CLIC5: variants seen among roughly 807,000 people sequenced by gnomAD.
The protein encoded by CLIC5 is chloride intracellular channel protein 5.
A neutral mutation model predicts 24.7 loss-of-function variants in CLIC5; 20 were observed. That is an observed-to-expected ratio of 0.81 (90% CI 0.57 to 1.18). CLIC5 has a LOEUF of 1.18. Among genes scored for constraint, CLIC5 ranks in the 50% most tolerant of loss-of-function variants. The pLI is 0.00. For synonymous variants in CLIC5, 159 were observed against 135.6 expected, an observed-to-expected ratio of 1.17 and a Z score of -1.20; for missense variants, 341 against 326.1, an observed-to-expected ratio of 1.05 and a Z score of -0.35.
At chr6:45,958,449 T>TACACACACACACACACACACACACAC (rs1561964569) in intron 1 of CLIC5, among the ~76,000 whole-genome samples, 5 of 24,252 alleles carry the variant, frequency 2.1e-4, no homozygotes, top group South Asian at 1.3e-3. Context: ...TATATATATA[T>TACACACACACACACACACACACACAC]ATATATATAT....
chr6:45,904,065 G>A (rs966038934), intron 5 of CLIC5, among the ~76,000 whole-genome samples: 15 of 152,176 alleles, frequency 9.9e-5, no homozygotes, highest in African/African-American at 3.6e-4. Context: ...AGAGAAACAA[G>A]AGCAAAGTGA....
intron 2 of CLIC5, 57 bp from the exon 3 acceptor site, chr6:45,949,438 GA>G: frequency 6.4e-7 from 1 of 1,572,556 alleles, no homozygotes; most frequent in South Asian, 1.2e-5. Flanking sequence ...CCTGTTCTGG[GA>G]AACCTAAGAT....
the CLIC5 span, among the ~76,000 whole-genome samples, chr6:46,127,205 G>A: frequency 2.0e-5 from 3 of 152,004 alleles, no homozygotes; most frequent in East Asian, 1.9e-4. Context: ...CCATTACCTC[G>A]AGTATTTATC....
the CLIC5 span, among the ~76,000 whole-genome samples, chr6:46,116,170 G>A: frequency 6.6e-6 from 1 of 152,012 alleles, no homozygotes; most frequent in Non-Finnish European, 1.5e-5. Flanking sequence ...AGAATTTGAC[G>A]CCTTTAGGGT....
At chr6:46,015,932 C>G, upstream of CLIC5, 2 of 996,166 alleles carry the variant, frequency 2.0e-6, no homozygotes, top group Non-Finnish European at 1.2e-6. Flanking sequence ...GGGGACGCGG[C>G]GGGGACACCC....
rs73456737 is a variant in CLIC5, at chr6:45,884,453, G to C, written c.624-3265C>G. Among the ~76,000 whole-genome samples the C allele has an allele frequency of 4.9e-3, 753 of 152,254 alleles. 6 individuals are homozygous for C. The highest frequency in any genetic ancestry group is 0.016 in the African/African-American group (676 of 41,548). On this transcript the variant is annotated intron_variant, in intron 6 of 6. Transcript: ENST00000644324. Reference sequence around the variant, plus strand: ...CATCCCTAGCAGGACTTGGAAGAAGGGGGCAGCGGAATATGTACTTTCCGC... The same window carrying C: ...CATCCCTAGCAGGACTTGGAAGAAGCGGGCAGCGGAATATGTACTTTCCGC...
At chr6:45,962,654 A>G (rs114837866) in intron 1 of CLIC5, among the ~76,000 whole-genome samples, 2,025 of 152,280 alleles carry the variant, frequency 0.013, 33 homozygotes, top group African/African-American at 0.045. Flanking sequence ...TGTCATCTGC[A>G]CCTTAGCTCA....
At chr6:45,928,062 A>G (rs939024694) in intron 4 of CLIC5, among the ~76,000 whole-genome samples, 1 of 152,114 alleles carries the variant, frequency 6.6e-6, no homozygotes, top group Non-Finnish European at 1.5e-5. Context: ...GCCTGGAAAC[A>G]AGCTTGAGAT....
At chr6:46,050,015 A>G (rs1470777259) in intron 1 of CLIC5, among the ~76,000 whole-genome samples, 1 of 152,090 alleles carries the variant, frequency 6.6e-6, no homozygotes, top group African/African-American at 2.4e-5. Context: ...GCTCTGTGGG[A>G]TATATGTTCA....
At chr6:45,909,572 T>G (rs1333835999) in intron 5 of CLIC5, among the ~76,000 whole-genome samples, 1 of 152,214 alleles carries the variant, frequency 6.6e-6, no homozygotes, top group Non-Finnish European at 1.5e-5. Flanking sequence ...TTGGTTGGAA[T>G]TTCTTTCTTT....
intron 1 of CLIC5, among the ~76,000 whole-genome samples, chr6:45,957,619 G>A (rs950126003): frequency 3.3e-5 from 5 of 152,106 alleles, no homozygotes; most frequent in African/African-American, 9.7e-5. Flanking sequence ...ATCCTTCATG[G>A]CTCCCTACAT....
At chr6:45,903,764 G>C (rs1274420477) in intron 5 of CLIC5, among the ~76,000 whole-genome samples, 1 of 152,146 alleles carries the variant, frequency 6.6e-6, no homozygotes, top group Non-Finnish European at 1.5e-5. Flanking sequence ...ATGATGGCTA[G>C]ATGTCTATAT....
chr6:46,047,338 A>G (rs569875335), intron 1 of CLIC5, among the ~76,000 whole-genome samples: 30 of 152,238 alleles, frequency 2.0e-4, no homozygotes, highest in Non-Finnish European at 4.0e-4. Context: ...CTTGATGCCC[A>G]TTGTGCTGAC....
intron 3 of CLIC5, among the ~76,000 whole-genome samples, chr6:45,945,366 C>T (rs571534902): frequency 6.6e-6 from 1 of 152,212 alleles, no homozygotes; most frequent in African/African-American, 2.4e-5. Context: ...ATTCTGTTTC[C>T]CAGCTTCTCT....
chr6:46,058,059 T>G (rs1400444578), intron 1 of CLIC5, among the ~76,000 whole-genome samples: 1 of 149,006 alleles, frequency 6.7e-6, no homozygotes, highest in Non-Finnish European at 1.5e-5. Flanking sequence ...ATTATCACTT[T>G]GTATAACCAT....
chr6:45,982,061 A>G (rs1182810623), intron 1 of CLIC5, among the ~76,000 whole-genome samples: 2 of 152,044 alleles, frequency 1.3e-5, no homozygotes, highest in Non-Finnish European at 2.9e-5. Context: ...TGAGGTTTTG[A>G]TCTTGGAATG....
chr6:46,039,995 T>C (rs1767762423), intron 1 of CLIC5, among the ~76,000 whole-genome samples: 1 of 152,216 alleles, frequency 6.6e-6, no homozygotes, highest in Admixed American at 6.5e-5. Flanking sequence ...CCTTGCCACT[T>C]TTTAGCTGTG....
intron 4 of CLIC5, among the ~76,000 whole-genome samples, chr6:45,926,994 C>T (rs1340832733): frequency 2.6e-5 from 4 of 152,088 alleles, no homozygotes; most frequent in African/African-American, 7.2e-5. Context: ...TAAATAAATA[C>T]AGTCAGAGCA....
At chr6:45,926,393 AC>A (rs1763496263) in intron 4 of CLIC5, among the ~76,000 whole-genome samples, 3 of 149,250 alleles carry the variant, frequency 2.0e-5, no homozygotes, top group Non-Finnish European at 4.5e-5. Flanking sequence ...GACTACAGGC[AC>A]CCGCCACCAC....
Sources: allele counts gnomAD v4.1 joint callset (sites outside exome capture counted in the v4.1 genomes callset), GRCh38; gene constraint gnomAD v4.1.1; transcripts MANE v1.5; gene names NCBI Gene and HGNC (gene_info 2026-07-23, HGNC 2026-07-21).